KCNQ3: variants seen among roughly 807,000 people sequenced by gnomAD.
KCNQ3 encodes potassium voltage-gated channel subfamily KQT member 3.
Under a neutral mutation model 92.5 loss-of-function variants are expected in KCNQ3, and 30 were observed. The ratio of observed to expected loss-of-function variants is 0.32; its 90% CI spans 0.24 to 0.44. The LOEUF is 0.44. Among genes scored for constraint, KCNQ3 ranks in the 20% least tolerant of loss-of-function variants. The pLI is 1.00. For missense variants in KCNQ3, 913 were observed against 1,140.3 expected (o/e 0.80, Z 2.87); for synonymous variants, 450 against 468.8 (o/e 0.96, Z 0.52).
intron 1 of KCNQ3, among the ~76,000 whole-genome samples, chr8:132,331,539 G>A (rs1466639140): frequency 6.6e-6 from 1 of 152,166 alleles, no homozygotes; most frequent in South Asian, 2.1e-4. Context: ...CTGGGCAGCT[G>A]TGGCTGCTGC....
At chr8:132,147,564 G>T (rs1825490980) in intron 9 of KCNQ3, among the ~76,000 whole-genome samples, 1 of 152,188 alleles carries the variant, frequency 6.6e-6, no homozygotes, top group Admixed American at 6.5e-5. Context: ...TTGAATGGTA[G>T]ATGAATGGAT....
chr8:132,191,297 A>G (rs1827148484), intron 1 of KCNQ3, among the ~76,000 whole-genome samples: 2 of 152,074 alleles, frequency 1.3e-5, no homozygotes, highest in Admixed American at 1.3e-4. Context: ...AAGTAGCTGG[A>G]ACTACAGGTG....
chr8:132,203,052 T>C (rs141591074), intron 1 of KCNQ3, among the ~76,000 whole-genome samples: 122 of 152,224 alleles, frequency 8.0e-4, no homozygotes, highest in Middle Eastern at 6.8e-3. Context: ...TGAGGGTCTT[T>C]TTGCTGGATC....
At chr8:132,183,757 A>AT (rs1563793031) in intron 3 of KCNQ3, among the ~76,000 whole-genome samples, 1 of 152,214 alleles carries the variant, frequency 6.6e-6, no homozygotes, top group African/African-American at 2.4e-5. Flanking sequence ...TGACTGAAAA[A>AT]TGACTCAGAT....
intron 1 of KCNQ3, among the ~76,000 whole-genome samples, chr8:132,186,938 GAGAGAGAGAGAGAGAGAC>G (rs2130188570): frequency 2.9e-5 from 3 of 104,396 alleles, no homozygotes; most frequent in Admixed American, 8.6e-5. Flanking sequence ...GTGTGTGAGA[GAGAGAGAGAGAGAGAGAC>G]AGAGAGAGAG....
chr8:132,227,269 C>T (rs989667599), intron 1 of KCNQ3, among the ~76,000 whole-genome samples: 6 of 151,942 alleles, frequency 3.9e-5, no homozygotes, highest in African/African-American at 1.5e-4. Context: ...ACCATGTTGG[C>T]CAGGATGGTC....
chr8:132,226,765 G>A (rs1814434241), intron 1 of KCNQ3, among the ~76,000 whole-genome samples: 1 of 152,128 alleles, frequency 6.6e-6, no homozygotes, highest in Admixed American at 6.5e-5. Context: ...TGTGGATCCT[G>A]CCAAAACGAA....
At chr8:132,403,762 C>G (rs1432584111) in intron 1 of KCNQ3, among the ~76,000 whole-genome samples, 1 of 152,182 alleles carries the variant, frequency 6.6e-6, no homozygotes, top group African/African-American at 2.4e-5. Flanking sequence ...TGCTGGGTTC[C>G]CAGGGCACCC....
rs1461813690 is a variant in KCNQ3, at chr8:132,163,570, C to CA, written c.1236-77dup. On this transcript the variant is annotated intron_variant, in intron 8 of 14. Transcript: ENST00000388996. The stretch of plus-strand genomic sequence containing the variant: ...TGTATCCTTCCTCGAAAGATTGCTG[C>CA]AAAGCTTCTCTCTGAAGATGATGGA... The CA allele has an allele frequency of 6.6e-6, 8 of 1,209,526 alleles. No individual in the cohort carries two copies. In the Admixed American group the frequency reaches 1.4e-4, roughly 21 times the overall value. 74.9% of individuals were successfully genotyped at this position (1,209,526 alleles called of 1,614,324 possible).
intron 1 of KCNQ3, among the ~76,000 whole-genome samples, chr8:132,414,630 AAC>A (rs1432670335): frequency 6.6e-6 from 1 of 152,238 alleles, no homozygotes; most frequent in African/African-American, 2.4e-5. Flanking sequence ...TTAGGAGCTT[AAC>A]ACTTGATACA....
At chr8:132,461,636 C>T (rs776767785) in intron 1 of KCNQ3, among the ~76,000 whole-genome samples, 1 of 152,218 alleles carries the variant, frequency 6.6e-6, no homozygotes, top group African/African-American at 2.4e-5. Flanking sequence ...CCATTCCCAT[C>T]AGCAATGAAT....
rs140501604 is a variant in KCNQ3, at chr8:132,312,052, C to G, written c.387-125871G>C. On this transcript the variant is annotated intron_variant, in intron 1 of 14. Transcript: ENST00000388996. ...GATGCATCTACACACCAGGGAATGT[C>G]GAAAACTGCTGGCAGCCACCAGCAG... Among the ~76,000 whole-genome samples, 7 of 152,202 alleles carry G rather than the reference C, an allele frequency of 4.6e-5. No homozygotes were observed. In the East Asian group the frequency reaches 1.4e-3, roughly 29 times the overall value.
At chr8:132,441,564 A>G (rs1181338810) in intron 1 of KCNQ3, among the ~76,000 whole-genome samples, 1 of 145,896 alleles carries the variant, frequency 6.9e-6, no homozygotes, top group East Asian at 2.0e-4. Flanking sequence ...CAAAAAAACA[A>G]AAATCAAAAA....
At chr8:132,452,211 A>C (rs892036655) in intron 1 of KCNQ3, among the ~76,000 whole-genome samples, 2 of 152,118 alleles carry the variant, frequency 1.3e-5, no homozygotes, top group African/African-American at 4.8e-5. Context: ...ATCCCCCCAA[A>C]ATGAAACACT....
intron 9 of KCNQ3, among the ~76,000 whole-genome samples, chr8:132,154,192 AGTTTTT>A (rs367957051): frequency 0.23 from 24,144 of 104,460 alleles, 2,935 homozygotes; most frequent in Middle Eastern, 0.39. Context: ...AAAGGGTAAA[AGTTTTT>A]TTTTTTTTTT....
chr8:132,139,507 C>A (rs1353340971), intron 11 of KCNQ3, among the ~76,000 whole-genome samples: 1 of 152,200 alleles, frequency 6.6e-6, no homozygotes, highest in Non-Finnish European at 1.5e-5. Flanking sequence ...TTCACTGCTA[C>A]CTTTATGAAG....
intron 1 of KCNQ3, among the ~76,000 whole-genome samples, chr8:132,282,711 C>T (rs1438948891): frequency 6.6e-6 from 1 of 152,236 alleles, no homozygotes; most frequent in Non-Finnish European, 1.5e-5. Flanking sequence ...GCAGGTGCCA[C>T]CAGCCCTCCC....
intron 1 of KCNQ3, among the ~76,000 whole-genome samples, chr8:132,203,949 A>G (rs1263766758): frequency 6.6e-6 from 1 of 152,206 alleles, no homozygotes; most frequent in Non-Finnish European, 1.5e-5. Flanking sequence ...TCAAACATAT[A>G]TCTTTGGGGA....
At chr8:132,464,100 G>A (rs746973234) in intron 1 of KCNQ3, among the ~76,000 whole-genome samples, 13 of 152,182 alleles carry the variant, frequency 8.5e-5, no homozygotes, top group Admixed American at 7.2e-4. Flanking sequence ...CAGGAGAATC[G>A]CTTGACATCA....
Sources: allele counts gnomAD v4.1 joint callset (sites outside exome capture counted in the v4.1 genomes callset), GRCh38; gene constraint gnomAD v4.1.1; transcripts MANE v1.5; gene names NCBI Gene and HGNC (gene_info 2026-07-23, HGNC 2026-07-21).